CKLF: variants seen among roughly 807,000 people sequenced by gnomAD.
The protein encoded by CKLF is chemokine-like factor.
Under a neutral mutation model 12.9 loss-of-function variants are expected in CKLF, and 16 were observed. The ratio of observed to expected loss-of-function variants is 1.24; its 90% CI spans 0.84 to 1.88. The LOEUF (loss-of-function observed/expected upper bound fraction) is 1.88, where lower values mean the gene tolerates loss of function less well. CKLF is among the 40% of genes most tolerant of loss of function. CKLF has a pLI of 0.00. For missense variants in CKLF, 172 were observed against 188.5 expected, an observed-to-expected ratio of 0.91 and a Z score of 0.51; for synonymous variants, 61 against 69.0, an observed-to-expected ratio of 0.88 and a Z score of 0.57.
chr16:66,558,204 A>G lies in CKLF; in HGVS notation c.93A>G (p.Thr31=), dbSNP rs749047796. ...TTTTCTTCTAGGCACTAACTGTGACATCTATGACCTTTTTTATCATCGCAC... is the reference window on the plus strand; with the variant it reads ...TTTTCTTCTAGGCACTAACTGTGACGTCTATGACCTTTTTTATCATCGCAC... The part of the protein sequence containing the change: ...VKMLRLALTV[T]SMTFFIIAQA... The change falls in exon 2 of 4, where the codon ACA becomes ACG. Residue 31 remains threonine, a synonymous_variant. Coordinates refer to ENST00000264001, the MANE Select transcript of CKLF (RefSeq NM_016951.4). 1.1e-5 allele frequency: 18 copies of G among 1,611,790 alleles called. No homozygotes were observed. Among genetic ancestry groups the G allele is most frequent in the Non-Finnish European group, 1.4e-5 (17 of 1,179,630 alleles).
downstream of CKLF, chr16:66,566,246 G>A (rs960932808): frequency 2.0e-6 from 3 of 1,467,964 alleles, no homozygotes; most frequent in Admixed American, 8.1e-5. The surrounding 1 kb of genome is among the most constrained non-coding windows in gnomAD (Gnocchi z 4.9). Flanking sequence ...CCGCCTCAGG[G>A]ATCTTTGAAT....
chr16:66,565,273 T>A (rs1156275440), intron 3 of CKLF, among the ~76,000 whole-genome samples: 1 of 152,162 alleles, frequency 6.6e-6, no homozygotes, highest in African/African-American at 2.4e-5. Flanking sequence ...AGGCACCAGC[T>A]CTCAGATAGC....
chr16:66,559,889 A>G (rs16956688), intron 2 of CKLF, among the ~76,000 whole-genome samples: 6 of 152,294 alleles, frequency 3.9e-5, no homozygotes, highest in Non-Finnish European at 7.3e-5. Flanking sequence ...TTATTCAGCA[A>G]ATGTTAAGTA....
chr16:66,558,780 A>G (rs930177288), intron 2 of CKLF, among the ~76,000 whole-genome samples: 1 of 152,202 alleles, frequency 6.6e-6, no homozygotes, highest in African/African-American at 2.4e-5. Flanking sequence ...TGGAAAATCA[A>G]ACTAATTGGG....
intron 1 of CKLF, among the ~76,000 whole-genome samples, chr16:66,557,844 G>A (rs977117655): frequency 2.0e-5 from 3 of 152,086 alleles, no homozygotes; most frequent in African/African-American, 4.8e-5. Context: ...AAGCACAAGA[G>A]GAATAATTAA....
Position 66,558,297 on chromosome 16 carries a change from A to G in CKLF, c.186A>G (p.Leu62=), listed in dbSNP as rs1237864928. 12 of 1,613,620 alleles carry G rather than the reference A, an allele frequency of 7.4e-6. No individual in the cohort carries two copies. Among genetic ancestry groups the G allele is most frequent in the Non-Finnish European group, 1.0e-5 (12 of 1,179,950 alleles). ...EVTVILFFIL[L]YVLRLDRLMK... ...CCGTTATCTTATTTTTCATACTTTT[A>G]TATGTACTCAGACTTGATCGATTAA... The change falls in exon 2 of 4, where the codon TTA becomes TTG. Residue 62 remains leucine, a synonymous_variant. Transcript: ENST00000264001.
intron 3 of CKLF, 171 bp from the exon 4 acceptor site, chr16:66,565,715 G>A: frequency 1.5e-6 from 1 of 645,824 alleles, no homozygotes; most frequent in Non-Finnish European, 2.8e-6. Flanking sequence ...TTAGCAATGA[G>A]GAGAATAAGA....
In CKLF at chr16:66,552,621, G is replaced by A; in HGVS notation, c.-95G>A. The A allele has an allele frequency of 6.3e-7, 1 of 1,591,204 alleles. No homozygotes were observed. The highest frequency in any genetic ancestry group is 8.6e-7 in the Non-Finnish European group (1 of 1,162,230). ...GAGAAGTAGGGGAGGGCGGTGCTCC[G>A]CCGCGGTGGCGGTTGCTATCGCTTC... On this transcript the variant is annotated 5_prime_UTR_variant, in exon 1 of 4. Transcript: ENST00000264001.
intron 2 of CKLF, 51 bp from the exon 3 acceptor site, chr16:66,563,071 G>T: frequency 6.2e-7 from 1 of 1,602,004 alleles, no homozygotes; most frequent in Non-Finnish European, 8.5e-7. Flanking sequence ...TTCCTTTTTA[G>T]CATTGCTTGG....
chr16:66,562,807 G>T (rs2011825974), intron 2 of CKLF, among the ~76,000 whole-genome samples: 1 of 152,138 alleles, frequency 6.6e-6, no homozygotes, highest in Non-Finnish European at 1.5e-5. Flanking sequence ...TGTAACCTCT[G>T]CCTCCCGGGT....
In CKLF at chr16:66,552,730, G is replaced by T. The variant is rs1457202680; in HGVS notation, c.15G>T (p.Gln5His). 1 of 1,614,166 alleles carries T rather than the reference G, an allele frequency of 6.2e-7. No individual in the cohort carries two copies. The highest frequency in any genetic ancestry group is 1.1e-5 in the South Asian group (1 of 91,086). MDNV[Q>H]PKIKHRPFCF... ...CTGCAGACGCGATGGATAACGTGCAGCCGAAAATAAAACATCGCCCCTTCT... is the reference window on the plus strand; with the variant it reads ...CTGCAGACGCGATGGATAACGTGCATCCGAAAATAAAACATCGCCCCTTCT... Residue 5 changes from glutamine (Q) to histidine (H), a missense_variant, in exon 1 of 4, where the codon CAG (glutamine) becomes CAT (histidine). Gln to His is a conservative substitution (Grantham distance 24). Coordinates refer to ENST00000264001, the MANE Select transcript of CKLF (RefSeq NM_016951.4).
Position 66,556,015 on chromosome 16 carries a change from T to C in CKLF, c.79-2175T>C, listed in dbSNP as rs375650331. Among the ~76,000 whole-genome samples, 23 of 152,276 alleles carry C rather than the reference T, an allele frequency of 1.5e-4. 1 individual carries two copies. The highest frequency in any genetic ancestry group is 6.8e-3 in the Middle Eastern group (2 of 294). ...TTTAGACATGGTGAATTGAGATTCCTGTAGGTTATCCAGATAGGGATTCTA... is the reference window on the plus strand; with the variant it reads ...TTTAGACATGGTGAATTGAGATTCCCGTAGGTTATCCAGATAGGGATTCTA... On this transcript the variant is annotated intron_variant, in intron 1 of 3. Transcript: ENST00000264001.
chr16:66,555,147 G>C lies in CKLF; in HGVS notation c.78+2354G>C, dbSNP rs148069477. Among the ~76,000 whole-genome samples, 423 of 152,296 alleles carry C rather than the reference G, an allele frequency of 2.8e-3. 2 individuals carry two copies. The highest frequency in any genetic ancestry group is 4.3e-3 in the Non-Finnish European group (295 of 68,026). On this transcript the variant is annotated intron_variant, in intron 1 of 3. Transcript: ENST00000264001. ...AGCTACTCGGGAGGCTGAGGCAGGA[G>C]AATCACTGGAACCGGAGAGACAGAG...
chr16:66,556,465 G>C (rs2144525874), intron 1 of CKLF, among the ~76,000 whole-genome samples: 1 of 152,330 alleles, frequency 6.6e-6, no homozygotes, highest in African/African-American at 2.4e-5. Flanking sequence ...GCTTAGGAAA[G>C]ATGTAAGAAC....
chr16:66,557,036 T>G (rs1408339109), intron 1 of CKLF, among the ~76,000 whole-genome samples: 1 of 152,194 alleles, frequency 6.6e-6, no homozygotes, highest in Non-Finnish European at 1.5e-5. Flanking sequence ...AATGAAGAAA[T>G]TTCAGAGTTT....
chr16:66,562,549 A>G (rs1426999318), intron 2 of CKLF, among the ~76,000 whole-genome samples: 1 of 152,226 alleles, frequency 6.6e-6, no homozygotes. Context: ...TAAAAAAGAA[A>G]TAAAAAGCTT....
intron 1 of CKLF, among the ~76,000 whole-genome samples, chr16:66,557,924 G>A (rs1555529857): frequency 6.6e-6 from 1 of 152,110 alleles, no homozygotes; most frequent in Non-Finnish European, 1.5e-5. Context: ...ATACACTTTA[G>A]GCATGGCTGT....
At chr16:66,554,253 G>A (rs140534833) in intron 1 of CKLF, among the ~76,000 whole-genome samples, 1 of 152,338 alleles carries the variant, frequency 6.6e-6, no homozygotes, top group East Asian at 1.9e-4. Context: ...AGACACATGA[G>A]CAGATAGTTA....
intron 2 of CKLF, among the ~76,000 whole-genome samples, chr16:66,561,460 T>C (rs2011710563): frequency 6.6e-6 from 1 of 152,200 alleles, no homozygotes; most frequent in African/African-American, 2.4e-5. Flanking sequence ...GGATCATTGG[T>C]GTTTCGGGGC....
Sources: gnomAD v4.1 joint callset for allele counts (sites outside exome capture counted in the v4.1 genomes callset) on GRCh38, gnomAD v4.1.1 for gene constraint, Gnocchi (gnomAD v3.1) non-coding constraint, MANE v1.5 for transcripts, NCBI Gene and HGNC (gene_info 2026-07-23, HGNC 2026-07-21) for gene names.